Variants in ATM observed in about 807,000 individuals in gnomAD.
ATM encodes the protein serine-protein kinase ATM.
ATM carries 308 observed loss-of-function variants against 387.0 expected under a neutral mutation model. The ratio of observed to expected loss-of-function variants is 0.80; its 90% CI spans 0.73 to 0.87. ATM has a LOEUF of 0.87. Ranked by LOEUF, ATM falls within the 40% of genes least tolerant of loss-of-function variation. ATM has a pLI of 0.00. For synonymous variants in ATM, 1,156 were observed against 1,187.3 expected (o/e 0.97, Z 0.54); for missense variants, 3,312 against 3,560.9 (o/e 0.93, Z 1.78).
chr11:108,282,759 T>G lies in ATM; in HGVS notation c.3626T>G (p.Phe1209Cys). Residue 1209 changes from phenylalanine to cysteine, a missense_variant, in exon 25 of 63, where the codon TTT becomes TGT. This residue lies in a region of ATM where 1,791 missense variants were observed against 1,804.5 expected (regional missense o/e 0.99). Transcript: ENST00000675843. ...ETFGYRRLED[F>C]MASHLDYLVL... Reference sequence around the variant, plus strand: ...TTTGGATATAGACGTTTAGAAGACTTTATGGCATCTCATTTAGATTATCTG... The same window carrying G: ...TTTGGATATAGACGTTTAGAAGACTGTATGGCATCTCATTTAGATTATCTG... The G allele has an allele frequency of 6.2e-7, 1 of 1,613,050 alleles. No individual in the cohort carries two copies. The highest frequency in any genetic ancestry group is 8.5e-7 in the Non-Finnish European group (1 of 1,179,292).
chr11:108,343,459 AAAAC>A lies in ATM; in HGVS notation c.8418+89_8418+92del, dbSNP rs1233187205. 1.4e-5 allele frequency: 21 copies of A among 1,515,692 alleles called. No homozygotes were observed. The African/African-American group carries it at 2.7e-4, about 19-fold the overall frequency. The allele number at this position is 1,515,692 out of a possible 1,614,324, so 93.9% of individuals were successfully genotyped here. On this transcript the variant is annotated intron_variant, in intron 57 of 62. Coordinates refer to ENST00000675843, the MANE Select transcript of ATM (RefSeq NM_000051.4). ...GCTGTCAGATATTATAGAATACAAA[AAAAC>A]TTTAATTTCATCAGGTAATTGTCAA...
intron 9 of ATM, among the ~76,000 whole-genome samples, chr11:108,249,865 C>G (rs2080040456): frequency 6.6e-6 from 1 of 152,048 alleles, no homozygotes; most frequent in Admixed American, 6.6e-5. Flanking sequence ...TTAAGAGTAG[C>G]TATTTAAGAT....
At chr11:108,364,419 TA>T (rs2091120901) in intron 61 of ATM, among the ~76,000 whole-genome samples, 1 of 152,204 alleles carries the variant, frequency 6.6e-6, no homozygotes, top group African/African-American at 2.4e-5. Flanking sequence ...ATTTACGACC[TA>T]AAGCTACTTG....
rs33977155 is a variant in ATM at position 108,293,877 on chromosome 11, C to CAA, written c.4776+417_4776+418dup. Among the ~76,000 whole-genome samples, 105 of 106,110 alleles carry CAA rather than the reference C, an allele frequency of 9.9e-4. 1 individual carries two copies. The highest frequency in any genetic ancestry group is 3.5e-3 in the South Asian group (11 of 3,110). The allele number at this position is 106,110 out of a possible 152,430, so 69.6% of individuals were successfully genotyped here. A position where few individuals can be genotyped will look rare whatever the true frequency, so the allele number is the denominator to read the frequency against. ...TGGATGACAGAGTGAGACCCTGTCT[C>CAA]AAAAAAAAAAAAAAAAAATATATAT... On this transcript the variant is annotated intron_variant, in intron 31 of 62. Transcript: ENST00000675843.
chr11:108,319,836 A>AT, intron 43 of ATM, 118 bp from the exon 44 acceptor site: 1 of 717,074 alleles, frequency 1.4e-6, no homozygotes, highest in Non-Finnish European at 2.4e-6. Flanking sequence ...CTAGAAATGC[A>AT]TTTTTTAGAA....
chr11:108,321,172 G>A (rs2085178137), intron 44 of ATM, 129 bp from the exon 45 acceptor site: 1 of 1,237,078 alleles, frequency 8.1e-7, no homozygotes, highest in Non-Finnish European at 1.1e-6. Context: ...TGTATTCACT[G>A]TTGCTTGTTA....
In ATM at chr11:108,289,669, A is replaced by C. The variant is rs769980220; in HGVS notation, c.4304A>C (p.Lys1435Thr). ...GCTGAAACAAATAATGTTTATAAGA[A>C]GCACAGAATTCTTAAAATATATCAC... Reference protein sequence around the residue: ...QAAETNNVYKKHRILKIYHLF... With the variant: ...QAAETNNVYKTHRILKIYHLF... Residue 1435 changes from lysine to threonine, a missense_variant, in exon 29 of 63, where the codon AAG becomes ACG. Transcript: ENST00000675843. The C allele has an allele frequency of 1.4e-5, 23 of 1,612,838 alleles. No individual in the cohort carries two copies. Among genetic ancestry groups the C allele is most frequent in the African/African-American group, 2.7e-5 (2 of 74,848 alleles).
intron 22 of ATM, among the ~76,000 whole-genome samples, chr11:108,276,533 G>A (rs1203262366): frequency 6.6e-6 from 1 of 152,186 alleles, no homozygotes; most frequent in African/African-American, 2.4e-5. Context: ...GGTGACTTTT[G>A]TATGGGGTTT....
At chr11:108,278,199 T>C (rs2082047892) in intron 22 of ATM, among the ~76,000 whole-genome samples, 1 of 152,254 alleles carries the variant, frequency 6.6e-6, no homozygotes, top group African/African-American at 2.4e-5. Flanking sequence ...CCGACAGTAA[T>C]GTTTTCATAA....
At chr11:108,290,649 A>G (rs2082736756) in intron 29 of ATM, 1 of 149,586 alleles carries the variant, frequency 6.7e-6, no homozygotes, top group Non-Finnish European at 1.5e-5. Context: ...AAAAAAAAAA[A>G]AAAAAAAAAA....
intron 45 of ATM, among the ~76,000 whole-genome samples, chr11:108,324,839 T>C (rs1028539972): frequency 2.0e-5 from 3 of 152,196 alleles, no homozygotes; most frequent in African/African-American, 7.2e-5. Context: ...AGATGCCAGC[T>C]TTTCCTTCAC....
Position 108,292,659 on chromosome 11 carries a change from C to T in ATM, c.4477C>T (p.Leu1493Phe), listed in dbSNP as rs377595814. ...IMDVSLRSFS[L>F]CCDLLSQVCQ... ...GGATGTGTCATTACGTAGCTTCTCC[C>T]TTTGTTGTGACTTATTAAGTCAGGT... Residue 1493 changes from leucine to phenylalanine, a missense_variant, in exon 30 of 63, where the codon CTT (leucine) becomes TTT (phenylalanine). Coordinates refer to ENST00000675843, the MANE Select transcript of ATM (RefSeq NM_000051.4). The T allele has an allele frequency of 1.8e-5, 29 of 1,613,638 alleles. No individual in the cohort carries two copies. The African/African-American group carries it at 3.9e-4, about 22-fold the overall frequency.
At chr11:108,239,163 T>C (rs1423463788) in intron 5 of ATM, among the ~76,000 whole-genome samples, 1 of 152,196 alleles carries the variant, frequency 6.6e-6, no homozygotes, top group Admixed American at 6.5e-5. Context: ...ATGGGATTAA[T>C]GCCCTTATGA....
intron 1 of ATM, chr11:108,223,430 C>T (rs1346459915): frequency 6.6e-6 from 1 of 152,286 alleles, no homozygotes; most frequent in East Asian, 1.9e-4. Context: ...TTTTGTGTCA[C>T]CTTAGGGTTC....
intron 10 of ATM, among the ~76,000 whole-genome samples, chr11:108,251,483 T>G (rs1591526230): frequency 1.3e-5 from 2 of 152,210 alleles, no homozygotes; most frequent in Non-Finnish European, 2.9e-5. Flanking sequence ...TACAATAGAT[T>G]AATGTTAACC....
chr11:108,362,049 T>C (rs1699864535), intron 61 of ATM, among the ~76,000 whole-genome samples: 1 of 133,348 alleles, frequency 7.5e-6, no homozygotes, highest in Non-Finnish European at 1.6e-5. Flanking sequence ...AACCTACTCA[T>C]CTGACAAAGG....
At chr11:108,259,255 C>T (rs190314894) in intron 16 of ATM, among the ~76,000 whole-genome samples, 180 bp downstream of exon 16, 5 of 152,192 alleles carry the variant, frequency 3.3e-5, no homozygotes, top group Admixed American at 6.5e-5. Flanking sequence ...TTTGGGAGGC[C>T]GAGGTGGGTG....
chr11:108,364,024 G>A (rs932465846), intron 61 of ATM, among the ~76,000 whole-genome samples: 11 of 152,210 alleles, frequency 7.2e-5, no homozygotes, highest in African/African-American at 2.6e-4. Context: ...TGAACTTAAC[G>A]GACAAGCTAC....
At chr11:108,286,086 C>T (rs960454886) in intron 26 of ATM, among the ~76,000 whole-genome samples, 1 of 151,968 alleles carries the variant, frequency 6.6e-6, no homozygotes, top group Non-Finnish European at 1.5e-5. Flanking sequence ...AATCCCAGCA[C>T]TTTGGGAGGC....
Sources: allele counts gnomAD v4.1 joint callset (sites outside exome capture counted in the v4.1 genomes callset), GRCh38; gene constraint gnomAD v4.1.1; regional missense constraint gnomAD v4.1.1; transcripts MANE v1.5; gene names NCBI Gene and HGNC (gene_info 2026-07-23, HGNC 2026-07-21).